The following LARGE1 variants were observed in gnomAD, a reference collection of about 807,000 sequenced individuals.
LARGE1 encodes the protein LARGE xylosyl- and glucuronyltransferase 1.
Under a neutral mutation model 87.6 loss-of-function variants are expected in LARGE1, and 43 were observed. The observed-to-expected ratio is 0.49, with a 90% CI of 0.38 to 0.63. LARGE1 has a LOEUF of 0.63. LARGE1 is among the 30% of genes least tolerant of loss of function. The pLI, the probability that LARGE1 is intolerant of heterozygous loss-of-function variation, is 0.00. For synonymous variants in LARGE1, 434 were observed against 394.6 expected, an observed-to-expected ratio of 1.10 and a Z score of -1.18; for missense variants, 802 against 1,000.2, an observed-to-expected ratio of 0.80 and a Z score of 2.67.
chr22:33,429,613 T>C (rs2067006595), intron 7 of LARGE1, among the ~76,000 whole-genome samples: 1 of 152,224 alleles, frequency 6.6e-6, no homozygotes, highest in African/African-American at 2.4e-5. Flanking sequence ...GTGATCTTGA[T>C]GCAGCATCCC....
chr22:33,105,152 C>A, the LARGE1 span, among the ~76,000 whole-genome samples: 2 of 149,384 alleles, frequency 1.3e-5, no homozygotes, highest in Non-Finnish European at 3.0e-5. Flanking sequence ...TGTGTGCCAC[C>A]AAGCCCCGCT....
intron 1 of LARGE1, among the ~76,000 whole-genome samples, chr22:33,786,957 G>A (rs927790187): frequency 1.3e-5 from 2 of 150,862 alleles, no homozygotes; most frequent in Non-Finnish European, 2.9e-5. Context: ...GGAAGCAGAG[G>A]TTGAAGTGAG....
chr22:33,103,427 T>A, the LARGE1 span, among the ~76,000 whole-genome samples: 1 of 89,644 alleles, frequency 1.1e-5, no homozygotes, highest in Non-Finnish European at 2.0e-5. Flanking sequence ...AGTGAGACTC[T>A]GTCTCAAAAA....
At chr22:33,122,398 G>A in the LARGE1 span, among the ~76,000 whole-genome samples, 5 of 138,288 alleles carry the variant, frequency 3.6e-5, no homozygotes, top group South Asian at 2.3e-4. Flanking sequence ...CACTCTTGTC[G>A]CCCAGGCTGG....
chr22:33,452,283 C>G (rs1046446960), intron 6 of LARGE1, among the ~76,000 whole-genome samples: 1 of 152,078 alleles, frequency 6.6e-6, no homozygotes, highest in African/African-American at 2.4e-5. Flanking sequence ...GGGGACACAG[C>G]AAGGGTGCAG....
intron 2 of LARGE1, among the ~76,000 whole-genome samples, chr22:33,760,336 T>C (rs1443418731): frequency 1.3e-5 from 2 of 152,176 alleles, no homozygotes; most frequent in East Asian, 1.9e-4. Flanking sequence ...TTCCCACTGA[T>C]TTCTGGAAAG....
chr22:33,738,533 C>T (rs768222807), intron 2 of LARGE1, among the ~76,000 whole-genome samples: 24 of 152,202 alleles, frequency 1.6e-4, no homozygotes, highest in Non-Finnish European at 2.9e-4. Context: ...GAGCACGAAG[C>T]ATCCCTCAGC....
intron 2 of LARGE1, among the ~76,000 whole-genome samples, chr22:33,691,302 T>C (rs151208884): frequency 6.6e-6 from 1 of 151,808 alleles, no homozygotes; most frequent in Non-Finnish European, 1.5e-5. Context: ...AGAAGAGGCT[T>C]ACTCGTCAGG....
intron 1 of LARGE1, among the ~76,000 whole-genome samples, chr22:33,801,838 AT>A (rs2017113379): frequency 6.6e-6 from 1 of 152,192 alleles, no homozygotes; most frequent in South Asian, 2.1e-4. Flanking sequence ...GTTTCCTCAT[AT>A]GTAACACAGG....
intron 2 of LARGE1, among the ~76,000 whole-genome samples, chr22:33,667,491 T>G (rs959022102): frequency 4.6e-5 from 7 of 152,198 alleles, no homozygotes; most frequent in Non-Finnish European, 1.0e-4. Flanking sequence ...CATCAGAGCC[T>G]TCTAAATACC....
At chr22:33,304,805 G>T (rs1381490625) in intron 11 of LARGE1, among the ~76,000 whole-genome samples, 1 of 152,070 alleles carries the variant, frequency 6.6e-6, no homozygotes, top group Non-Finnish European at 1.5e-5. Context: ...ATGATTTGAA[G>T]ATCCCCTTCC....
At position 33,474,706 on chromosome 22, in the gene LARGE1, G is replaced by A. The variant is rs2148140482; in HGVS notation, c.788-42441C>T. 1.3e-5 allele frequency among the ~76,000 whole-genome samples: 2 copies of A among 152,286 alleles called. 1 individual carries two copies. Among genetic ancestry groups the A allele is most frequent in the Middle Eastern group, 6.8e-3 (2 of 294 alleles). ...CTTTGACATAATAAGGAATAACTGGGAAACAGTTCTCTTTTTGATTCATTT... is the reference window on the plus strand; with the variant it reads ...CTTTGACATAATAAGGAATAACTGGAAAACAGTTCTCTTTTTGATTCATTT... On this transcript the variant is annotated intron_variant, in intron 6 of 14. Coordinates refer to ENST00000397394, the MANE Select transcript of LARGE1 (RefSeq NM_133642.5).
intron 1 of LARGE1, among the ~76,000 whole-genome samples, chr22:33,822,962 G>A (rs1037022435): frequency 3.3e-5 from 5 of 152,080 alleles, no homozygotes; most frequent in African/African-American, 1.2e-4. Flanking sequence ...TCCAGCTAGT[G>A]GAAACACCAG....
chr22:33,242,464 G>A (rs545821671), intron 11 of LARGE1, among the ~76,000 whole-genome samples: 1 of 152,286 alleles, frequency 6.6e-6, no homozygotes, highest in South Asian at 2.1e-4. Flanking sequence ...ACTGTTAGGT[G>A]ATTATGTTGG....
intron 2 of LARGE1, among the ~76,000 whole-genome samples, chr22:33,749,808 G>A (rs907928443): frequency 1.3e-5 from 2 of 152,092 alleles, no homozygotes; most frequent in South Asian, 4.1e-4. Flanking sequence ...CTTGTCTCAG[G>A]GTTTGTCTCG....
rs748897859 is a variant in LARGE1 at position 33,919,016 on chromosome 22, G to A, written c.-83+979C>T. ...AAGCTGCTATTTTGCTCCCTCAGGA[G>A]ATCATTTTAATGGACTGAGTGACAA... is the stretch of plus-strand genomic sequence containing the variant. On this transcript the variant is annotated intron_variant, in intron 1 of 14. Coordinates refer to ENST00000397394, the MANE Select transcript of LARGE1 (RefSeq NM_133642.5). Among the ~76,000 whole-genome samples, 16 of 149,882 alleles carry A rather than the reference G, an allele frequency of 1.1e-4. 1 individual carries two copies. Among genetic ancestry groups the A allele is most frequent in the African/African-American group, 2.2e-4 (9 of 40,650 alleles).
intron 6 of LARGE1, among the ~76,000 whole-genome samples, chr22:33,488,832 T>A (rs2148268810): frequency 6.6e-6 from 1 of 152,222 alleles, no homozygotes; most frequent in African/African-American, 2.4e-5. Context: ...ATAACCTACC[T>A]CTCTAAATCT....
At chr22:33,280,494 G>A (rs918135184) in intron 13 of LARGE1, among the ~76,000 whole-genome samples, 1 of 152,098 alleles carries the variant, frequency 6.6e-6, no homozygotes, top group Non-Finnish European at 1.5e-5. Context: ...GAAAAGGAAG[G>A]GAAAACAATG....
intron 1 of LARGE1, among the ~76,000 whole-genome samples, chr22:33,884,847 C>A (rs541877407): frequency 5.3e-5 from 8 of 152,290 alleles, no homozygotes; most frequent in South Asian, 2.1e-4. Flanking sequence ...GAAGCTCAGG[C>A]TCTCTGCAGC....
Sources: allele counts gnomAD v4.1 joint callset (sites outside exome capture counted in the v4.1 genomes callset), GRCh38; gene constraint gnomAD v4.1.1; transcripts MANE v1.5; gene names NCBI Gene and HGNC (gene_info 2026-07-23, HGNC 2026-07-21).